The following GUF1 variants were observed in gnomAD, a reference collection of about 807,000 sequenced individuals.
GUF1 encodes the protein GTP binding elongation factor GUF1.
In GUF1, 78 loss-of-function variants were observed where a neutral mutation model predicts 82.4. The observed-to-expected ratio is 0.95, with a 90% CI of 0.79 to 1.14. GUF1 has a LOEUF of 1.14. Ranked by LOEUF, GUF1 falls within the 50% of genes most tolerant of loss-of-function variation. The probability of loss-of-function intolerance (pLI) is 0.00; values close to 1 mark genes in which losing one functional copy is unlikely to be tolerated. For missense variants in GUF1, 814 were observed against 798.2 expected (o/e 1.02, Z -0.24); for synonymous variants, 279 against 282.3 (o/e 0.99, Z 0.12).
intron 15 of GUF1, among the ~76,000 whole-genome samples, chr4:44,696,415 G>C (rs1233003560): frequency 6.6e-6 from 1 of 152,142 alleles, no homozygotes; most frequent in Non-Finnish European, 1.5e-5. Context: ...GTAAGACCCA[G>C]TTTTTTAACA....
Position 44,680,726 on chromosome 4 carries a change from G to A in GUF1, c.310G>A (p.Val104Ile). The stretch of plus-strand genomic sequence containing the variant: ...TGATAAAACAAAGAATAATAAGCAG[G>A]TTCTTGATAAATTGCAAGTGGAACG... Reference protein sequence around the residue: ...TIDKTKNNKQVLDKLQVERER... With the variant: ...TIDKTKNNKQILDKLQVERER... Residue 104 changes from valine to isoleucine, a missense_variant, in exon 3 of 17, where the codon GTT (valine) becomes ATT (isoleucine). Val to Ile is a conservative substitution (Grantham distance 29). Coordinates refer to ENST00000281543, the MANE Select transcript of GUF1 (RefSeq NM_021927.3). 6.2e-7 allele frequency: 1 copy of A among 1,608,894 alleles called. No homozygotes were observed. Among genetic ancestry groups the A allele is most frequent in the Non-Finnish European group, 8.5e-7 (1 of 1,176,548 alleles).
intron 1 of GUF1, 123 bp from the exon 2 acceptor site, chr4:44,680,318 A>C (rs1714687963): frequency 1.8e-6 from 1 of 548,234 alleles, no homozygotes. Flanking sequence ...GAATAATAAT[A>C]TAAACAATAT....
chr4:44,694,422 G>A lies in GUF1; in HGVS notation c.1624G>A (p.Glu542Lys), dbSNP rs754617173. 5.0e-6 allele frequency: 8 copies of A among 1,608,438 alleles called. No homozygotes were observed. The highest frequency in any genetic ancestry group is 1.7e-4 in the Middle Eastern group (1 of 6,050). The part of the protein sequence containing the change: ...LSSGYASFDY[E>K]DAGYQTAELV... ...CTTTTTTCCTTTTAGTTTTGATTAC[G>A]AAGATGCAGGCTACCAGACTGCAGA... Residue 542 changes from glutamate (E) to lysine (K), a missense_variant, in exon 14 of 17, where the codon GAA (glutamate) becomes AAA (lysine). By Grantham distance (56) the Glu-to-Lys change is moderately conservative. Coordinates refer to ENST00000281543, the MANE Select transcript of GUF1 (RefSeq NM_021927.3).
chr4:44,679,958 CA>C (rs1240981525), intron 1 of GUF1, among the ~76,000 whole-genome samples: 3 of 152,006 alleles, frequency 2.0e-5, no homozygotes, highest in Non-Finnish European at 4.4e-5. Flanking sequence ...AGAGAAGCTG[CA>C]AAGTAGCAAA....
At position 44,678,680 on chromosome 4, in the gene GUF1, A is replaced by G. The variant is rs368489353; in HGVS notation, c.58A>G (p.Thr20Ala). The part of the protein sequence containing the change: ...GCARALAPRA[T>A]GAALLVAPGP... ...CGCACGCGCTCTCGCGCCACGAGCC[A>G]CTGGGGCCGCGCTTCTGGTGGCCCC... Residue 20 changes from threonine to alanine, a missense_variant, in exon 1 of 17, where the codon ACT becomes GCT. Transcript: ENST00000281543. The G allele has an allele frequency of 7.3e-5, 109 of 1,500,984 alleles. No homozygotes were observed. The African/African-American group carries it at 1.4e-3, about 20-fold the overall frequency. 93.0% of individuals were successfully genotyped at this position (1,500,984 alleles called of 1,614,324 possible).
rs557383701 is a variant in GUF1, at chr4:44,690,532, ACTT to A, written c.1336-179_1336-177del. ...AGGTTAAAGTGTATTCTTTTGTCAT[ACTT>A]CTTCTAAATGGTCCATGAAATATGT... On this transcript the variant is annotated intron_variant, in intron 11 of 16. Coordinates refer to ENST00000281543, the MANE Select transcript of GUF1 (RefSeq NM_021927.3). Among the ~76,000 whole-genome samples, 20 of 151,884 alleles carry A rather than the reference ACTT, an allele frequency of 1.3e-4. No homozygotes were observed. The South Asian group carries it at 3.5e-3, about 27-fold the overall frequency.
In GUF1 at chr4:44,688,136, G is replaced by A. The variant is rs909900639; in HGVS notation, c.1068G>A (p.Met356Ile). 9.3e-6 allele frequency: 15 copies of A among 1,610,238 alleles called. No individual in the cohort carries two copies. Among genetic ancestry groups the A allele is most frequent in the East Asian group, 2.2e-5 (1 of 44,712 alleles). Residue 356 changes from methionine to isoleucine, a missense_variant, in exon 9 of 17, where the codon ATG becomes ATA. Coordinates refer to ENST00000281543, the MANE Select transcript of GUF1 (RefSeq NM_021927.3). The stretch of plus-strand genomic sequence containing the variant: ...CTGGGTTTAAATCAGCGAAACCAAT[G>A]GTATTTGCAGGTGAGGAGTTCACAA... ...PLPGFKSAKP[M>I]VFAGMYPLDQ...
Position 44,693,468 on chromosome 4 carries a change from A to G in GUF1, c.1614-944A>G, listed in dbSNP as rs189537557. Among the ~76,000 whole-genome samples, 505 of 151,828 alleles carry G rather than the reference A, an allele frequency of 3.3e-3. 1 individual carries two copies. The highest frequency in any genetic ancestry group is 4.2e-3 in the Non-Finnish European group (286 of 67,822). ...TATTCTGTATGATACTTAACATGGT[A>G]TCTTTCATACAGTAAATGTATAAGT... On this transcript the variant is annotated intron_variant, in intron 13 of 16. Coordinates refer to ENST00000281543, the MANE Select transcript of GUF1 (RefSeq NM_021927.3).
chr4:44,678,712 C>T lies in GUF1; in HGVS notation c.90C>T (p.Pro30=). The change falls in exon 1 of 17, where the codon CCC becomes CCT. Residue 30 remains proline (P), a synonymous_variant. Transcript: ENST00000281543. ...TGAALLVAPG[P]RSAPTLGAAP... ...CCGCGCTTCTGGTGGCCCCGGGGCC[C>T]CGGTCCGCGCCGACCCTTGGGGCTG... The T allele has an allele frequency of 6.6e-7, 1 of 1,510,436 alleles. No homozygotes were observed. Among genetic ancestry groups the T allele is most frequent in the Non-Finnish European group, 8.7e-7 (1 of 1,143,260 alleles). The allele number at this position is 1,510,436 out of a possible 1,614,324, so 93.6% of individuals were successfully genotyped here. A position where few individuals can be genotyped will look rare whatever the true frequency, so the allele number is the denominator to read the frequency against.
rs73249444 is a variant in GUF1 at position 44,678,582 on chromosome 4, G to C, written c.-41G>C. On this transcript the variant is annotated 5_prime_UTR_variant, in exon 1 of 17. Transcript: ENST00000281543. ...AAAAAAAACGGGCTATGCTGCTGTT[G>C]CGTGTGGGTACCCTCTCCTGACGCC... is the stretch of plus-strand genomic sequence containing the variant. The C allele has an allele frequency of 4.8e-3, 6,829 of 1,425,384 alleles. 15 individuals are homozygous for C. Among genetic ancestry groups the C allele is most frequent in the Non-Finnish European group, 5.4e-3 (5,956 of 1,094,774 alleles). 88.3% of individuals were successfully genotyped at this position (1,425,384 alleles called of 1,614,324 possible). A position where few individuals can be genotyped will look rare whatever the true frequency, so the allele number is the denominator to read the frequency against.
intron 1 of GUF1, among the ~76,000 whole-genome samples, chr4:44,679,763 G>GA (rs1345663795): frequency 3.3e-5 from 4 of 122,078 alleles, no homozygotes; most frequent in Admixed American, 3.3e-4. Flanking sequence ...CAGTTGATTG[G>GA]AAAAAAATAG....
Position 44,690,611 on chromosome 4 carries a change from A to G in GUF1, c.1336-106A>G, listed in dbSNP as rs891123068. The G allele has an allele frequency of 3.9e-5, 24 of 608,716 alleles. No individual in the cohort carries two copies. In the Admixed American group the frequency reaches 7.6e-4, roughly 19 times the overall value. The allele number at this position is 608,716 out of a possible 1,614,324, so 37.7% of individuals were successfully genotyped here. A position where few individuals can be genotyped will look rare whatever the true frequency, so the allele number is the denominator to read the frequency against. On this transcript the variant is annotated intron_variant, in intron 11 of 16. Coordinates refer to ENST00000281543, the MANE Select transcript of GUF1 (RefSeq NM_021927.3). ...TATTGTTTACTAATACTTGTTATTA[A>G]TATTAAATGATTACAGCTGGAGGGA...
chr4:44,684,021 T>C (rs1316256912), intron 6 of GUF1, among the ~76,000 whole-genome samples: 3 of 152,124 alleles, frequency 2.0e-5, no homozygotes, highest in African/African-American at 7.2e-5. Context: ...TTAATCTTAA[T>C]AAAATTCATT....
chr4:44,686,152 C>G, intron 7 of GUF1, 129 bp downstream of exon 7: 1 of 677,672 alleles, frequency 1.5e-6, no homozygotes, highest in Non-Finnish European at 2.6e-6. Context: ...AATATTCTTG[C>G]AGGCAGCGAG....
intron 12 of GUF1, among the ~76,000 whole-genome samples, 169 bp downstream of exon 12, chr4:44,691,029 T>A (rs1439631872): frequency 6.6e-6 from 1 of 151,682 alleles, no homozygotes. Flanking sequence ...ACTTTTTAAA[T>A]TATTTTGATT....
chr4:44,700,854 CAG>C lies in GUF1; in HGVS notation c.*2175_*2176del, dbSNP rs1716197303. ...TCCCTCTTCCAGGTTCTGATAAAAA[CAG>C]ATGAAATCTGAAAGACCATGACAGT... On this transcript the variant is annotated 3_prime_UTR_variant, in exon 17 of 17. Coordinates refer to ENST00000281543, the MANE Select transcript of GUF1 (RefSeq NM_021927.3). 2 of 152,122 alleles carry C rather than the reference CAG, an allele frequency of 1.3e-5. No individual in the cohort carries two copies. Among genetic ancestry groups the C allele is most frequent in the South Asian group, 2.1e-4 (1 of 4,834 alleles). The allele number at this position is 152,122 out of a possible 1,614,324, so 9.4% of individuals were successfully genotyped here. A position where few individuals can be genotyped will look rare whatever the true frequency, so the allele number is the denominator to read the frequency against.
In GUF1 at chr4:44,678,736, T is replaced by G. The variant is rs1370216439; in HGVS notation, c.114T>G (p.Ala38=). 6.5e-7 allele frequency: 1 copy of G among 1,532,996 alleles called. No individual in the cohort carries two copies. Among genetic ancestry groups the G allele is most frequent in the Non-Finnish European group, 8.7e-7 (1 of 1,150,800 alleles). 95.0% of individuals were successfully genotyped at this position (1,532,996 alleles called of 1,614,324 possible). ...CCCGGTCCGCGCCGACCCTTGGGGCTGCTCCAGAGTCCTGGGCTACCGACA... is the reference window on the plus strand; with the variant it reads ...CCCGGTCCGCGCCGACCCTTGGGGCGGCTCCAGAGTCCTGGGCTACCGACA... ...PGPRSAPTLG[A]APESWATDRL... is the part of the protein sequence containing the mutation. The change falls in exon 1 of 17, where the codon GCT becomes GCG. Residue 38 remains alanine, a synonymous_variant. Transcript: ENST00000281543.
chr4:44,692,126 T>C (rs1715487141), intron 13 of GUF1, among the ~76,000 whole-genome samples: 1 of 151,922 alleles, frequency 6.6e-6, no homozygotes, highest in Non-Finnish European at 1.5e-5. Flanking sequence ...ATAACCTCAG[T>C]GGCACTTTTA....
intron 11 of GUF1, 66 bp downstream of exon 11, chr4:44,690,041 G>C: frequency 8.1e-7 from 1 of 1,233,736 alleles, no homozygotes; most frequent in Non-Finnish European, 1.1e-6. Context: ...AAATAAATGT[G>C]TGTATATACA....
Sources: gnomAD v4.1 joint callset for allele counts (sites outside exome capture counted in the v4.1 genomes callset) on GRCh38, gnomAD v4.1.1 for gene constraint, MANE v1.5 for transcripts, NCBI Gene and HGNC (gene_info 2026-07-23, HGNC 2026-07-21) for gene names.